The following PTPDC1 variants were observed in gnomAD, a reference collection of about 807,000 sequenced individuals.
PTPDC1 encodes the protein protein tyrosine phosphatase domain containing 1, also known as protein tyrosine phosphatase domain-containing protein 1.
PTPDC1 carries 53 observed loss-of-function variants against 75.3 expected under a neutral mutation model. The observed-to-expected ratio is 0.70, with a 90% CI of 0.56 to 0.88. PTPDC1 has a LOEUF of 0.88. Among genes scored for constraint, PTPDC1 ranks in the 40% least tolerant of loss-of-function variants. PTPDC1 has a pLI of 0.00. For synonymous variants in PTPDC1, 349 were observed against 366.2 expected (o/e 0.95, Z 0.54); for missense variants, 925 against 998.6 (o/e 0.93, Z 0.99).
intron 4 of PTPDC1, among the ~76,000 whole-genome samples, chr9:94,088,758 G>C (rs1464882974): frequency 6.6e-6 from 1 of 152,100 alleles, no homozygotes; most frequent in Admixed American, 6.6e-5. Flanking sequence ...CTCAATCACA[G>C]GAGCTTTGGG....
chr9:94,096,116 C>T (rs1429459924), intron 5 of PTPDC1, among the ~76,000 whole-genome samples: 1 of 152,174 alleles, frequency 6.6e-6, no homozygotes, highest in African/African-American at 2.4e-5. Flanking sequence ...AATTTCATTA[C>T]AGTGCTGATA....
chr9:94,084,307 T>A (rs1424639176), upstream of PTPDC1: 1 of 455,438 alleles, frequency 2.2e-6, no homozygotes, highest in African/African-American at 2.0e-5. Context: ...TCCCTATATT[T>A]GAACAATTTG....
At chr9:94,098,760 T>A in intron 6 of PTPDC1, 181 bp downstream of exon 6, 1 of 625,142 alleles carries the variant, frequency 1.6e-6, no homozygotes, top group Admixed American at 2.9e-5. Flanking sequence ...AAACACAGGG[T>A]GTTTGTATGG....
intron 1 of PTPDC1, among the ~76,000 whole-genome samples, chr9:94,052,871 GTCTTTGATAGTA>G (rs575335091): frequency 6.6e-6 from 1 of 152,140 alleles, no homozygotes; most frequent in Non-Finnish European, 1.5e-5. Flanking sequence ...GCTTCGAAGT[GTCTTTGATAGTA>G]TCTTTGATTT....
chr9:94,097,922 A>G lies in PTPDC1; in HGVS notation c.1356A>G (p.Leu452=). The change falls in exon 6 of 9, where the codon TTA becomes TTG. Residue 452 remains leucine, a synonymous_variant. Coordinates refer to ENST00000620992, the MANE Select transcript of PTPDC1 (RefSeq NM_001253829.2). ...GGCTCAGCTACAGTGACTCAGATTT[A>G]AAGAGGGCCGAGAACCTCCTGGAGC... ...KRRLSYSDSD[L]KRAENLLEQG... 1 of 1,614,182 alleles carries G rather than the reference A, an allele frequency of 6.2e-7. No homozygotes were observed. Among genetic ancestry groups the G allele is most frequent in the African/African-American group, 1.3e-5 (1 of 75,028 alleles).
chr9:94,076,115 C>G (rs943926441), intron 2 of PTPDC1, among the ~76,000 whole-genome samples: 1 of 152,160 alleles, frequency 6.6e-6, no homozygotes, highest in Non-Finnish European at 1.5e-5. Context: ...ATTCTTCTGC[C>G]TCAGCCTCTC....
Position 94,097,624 on chromosome 9 carries a change from T to A in PTPDC1, c.1058T>A (p.Leu353Ter), listed in dbSNP as rs1363635984. The change falls in exon 6 of 9, where the codon TTA (leucine) becomes TAA (stop). Residue 353 changes from leucine (L) to a stop codon, truncating the protein, a stop_gained. Transcript: ENST00000620992. LOFTEE classifies it high-confidence loss of function. ...CTAGTTTGCAAATTGCTGCTGGACT[T>A]AGCGGAGAACAGGCCAGTGATGATG... The part of the protein sequence containing the change: ...IHLVCKLLLD[L>*]AENRPVMMKD... 10 of 1,613,940 alleles carry A rather than the reference T, an allele frequency of 6.2e-6. No homozygotes were observed. Among genetic ancestry groups the A allele is most frequent in the Non-Finnish European group, 8.5e-6 (10 of 1,180,040 alleles).
chr9:94,032,893 G>C (rs1224797636), intron 1 of PTPDC1, among the ~76,000 whole-genome samples: 1 of 151,678 alleles, frequency 6.6e-6, no homozygotes, highest in African/African-American at 2.4e-5. Context: ...ACAGTGTCTC[G>C]CTCAGGTGCC....
chr9:94,043,533 C>T (rs1825494914), intron 1 of PTPDC1, among the ~76,000 whole-genome samples: 1 of 152,004 alleles, frequency 6.6e-6, no homozygotes, highest in Non-Finnish European at 1.5e-5. Context: ...ACCTAAATTT[C>T]TGAAAATGAC....
At chr9:94,035,069 A>G (rs1825223305) in intron 1 of PTPDC1, among the ~76,000 whole-genome samples, 2 of 152,194 alleles carry the variant, frequency 1.3e-5, no homozygotes, top group Admixed American at 1.3e-4. Flanking sequence ...TCTTAGGTGG[A>G]AAAGATTCTA....
chr9:94,034,598 G>C (rs1396168283), intron 1 of PTPDC1, among the ~76,000 whole-genome samples: 1 of 152,124 alleles, frequency 6.6e-6, no homozygotes, highest in Non-Finnish European at 1.5e-5. Flanking sequence ...CACAGTTAAA[G>C]ATTTCCTAGG....
chr9:94,075,003 A>G (rs1353661064), intron 2 of PTPDC1, among the ~76,000 whole-genome samples: 1 of 152,136 alleles, frequency 6.6e-6, no homozygotes, highest in Admixed American at 6.5e-5. Flanking sequence ...TGAGCCTGGT[A>G]TTGACTAATC....
chr9:94,055,816 CAGA>C (rs1159943223), intron 1 of PTPDC1, among the ~76,000 whole-genome samples: 1 of 152,086 alleles, frequency 6.6e-6, no homozygotes, highest in Non-Finnish European at 1.5e-5. Context: ...AGTTGGAGCA[CAGA>C]AGATTTTTAG....
intron 5 of PTPDC1, 93 bp from the exon 6 acceptor site, chr9:94,097,228 C>A: frequency 2.4e-6 from 2 of 823,022 alleles, no homozygotes; most frequent in Non-Finnish European, 3.8e-6. Context: ...TTTCTTAACA[C>A]ATATTCAAAT....
At chr9:94,040,615 A>G (rs1766923) in intron 1 of PTPDC1, among the ~76,000 whole-genome samples, 8,300 of 152,274 alleles carry the variant, frequency 0.055, 325 homozygotes, top group Non-Finnish European at 0.084. Context: ...AATAACATAT[A>G]AAGGAAAAAA....
chr9:94,083,264 T>C (rs1013247956), upstream of PTPDC1, among the ~76,000 whole-genome samples: 2 of 152,080 alleles, frequency 1.3e-5, no homozygotes, highest in African/African-American at 4.8e-5. Flanking sequence ...CTCATATAAT[T>C]CCTCCGACAG....
At chr9:94,080,993 T>C (rs867858813), upstream of PTPDC1, among the ~76,000 whole-genome samples, 2,307 of 142,536 alleles carry the variant, frequency 0.016, 81 homozygotes, top group African/African-American at 0.057. Context: ...TTTTTCTTTT[T>C]CTTTTTTTTT....
chr9:94,064,961 C>T, intron 2 of PTPDC1: 1 of 632,494 alleles, frequency 1.6e-6, no homozygotes, highest in South Asian at 2.0e-5. Flanking sequence ...ACTGCCTTAC[C>T]ATCTTGGCCT....
intron 1 of PTPDC1, among the ~76,000 whole-genome samples, chr9:94,064,349 C>T (rs1826230435): frequency 6.6e-6 from 1 of 152,094 alleles, no homozygotes; most frequent in Admixed American, 6.5e-5. Flanking sequence ...AAAAAAGTGA[C>T]TTAATACTGG....
Sources: allele counts gnomAD v4.1 joint callset (sites outside exome capture counted in the v4.1 genomes callset), GRCh38; gene constraint gnomAD v4.1.1; transcripts MANE v1.5; gene names NCBI Gene and HGNC (gene_info 2026-07-23, HGNC 2026-07-21).